Variants in PJVK observed in about 807,000 individuals in gnomAD.
The protein encoded by PJVK is pejvakin, also known as autosomal recessive deafness type 59 protein.
PJVK carries 33 observed loss-of-function variants against 37.6 expected under a neutral mutation model. That is an observed-to-expected ratio of 0.88 (90% confidence interval 0.67 to 1.17). PJVK has a LOEUF of 1.17. Among genes scored for constraint, PJVK ranks in the 50% most tolerant of loss-of-function variants. The pLI is 0.00. For missense variants in PJVK, 410 were observed against 413.8 expected (o/e 0.99, Z 0.08); for synonymous variants, 141 against 143.5 (o/e 0.98, Z 0.13).
At chr2:178,453,816 A>G in intron 2 of PJVK, 196 bp downstream of exon 2, 1 of 527,936 alleles carries the variant, frequency 1.9e-6, no homozygotes, top group Admixed American at 3.5e-5. Flanking sequence ...CTTATTGGTC[A>G]AATAATTTTC....
chr2:178,461,760 T>C lies in PJVK; in HGVS notation c.*486T>C, dbSNP rs1684521486. 6.6e-6 allele frequency among the ~76,000 whole-genome samples: 1 copy of C among 152,028 alleles called. No homozygotes were observed. Among genetic ancestry groups the C allele is most frequent in the Admixed American group, 6.5e-5 (1 of 15,268 alleles). The stretch of plus-strand genomic sequence containing the variant: ...CACCACGCCTGGCTAATTTTTTGTA[T>C]TTTTAGTAGAGACAGAGTTTTACCA... On this transcript the variant is annotated 3_prime_UTR_variant, in exon 7 of 7. Coordinates refer to ENST00000644580, the MANE Select transcript of PJVK (RefSeq NM_001042702.5).
At position 178,461,217 on chromosome 2, in the gene PJVK, G is replaced by A; in HGVS notation, c.1002G>A (p.Lys334=). Residue 334 remains lysine (K), a synonymous_variant, in exon 7 of 7, where the codon AAG becomes AAA. Coordinates refer to ENST00000644580, the MANE Select transcript of PJVK (RefSeq NM_001042702.5). The part of the protein sequence containing the change: ...GCFQCSVDGQ[K]YVRLHAVPCF... ...TTCAGTGTTCTGTTGATGGTCAGAA[G>A]TATGTGAGACTTCATGCAGTTCCTT... is the stretch of plus-strand genomic sequence containing the variant. 2 of 1,614,208 alleles carry A rather than the reference G, an allele frequency of 1.2e-6. No individual in the cohort carries two copies. Among genetic ancestry groups the A allele is most frequent in the Non-Finnish European group, 1.7e-6 (2 of 1,180,034 alleles).
chr2:178,454,546 A>G lies in PJVK; in HGVS notation c.407+19A>G. 6.2e-7 allele frequency: 1 copy of G among 1,605,992 alleles called. No individual in the cohort carries two copies. Among genetic ancestry groups the G allele is most frequent in the Non-Finnish European group, 8.5e-7 (1 of 1,174,418 alleles). ...CTACACGGTCAGTATAATAATCCTAATATATTTCAGTGTTTTCATTAAATA... is the reference window on the plus strand; with the variant it reads ...CTACACGGTCAGTATAATAATCCTAGTATATTTCAGTGTTTTCATTAAATA... On this transcript the variant is annotated intron_variant, in intron 3 of 6. Coordinates refer to ENST00000644580, the MANE Select transcript of PJVK (RefSeq NM_001042702.5).
In PJVK at chr2:178,460,268, G is replaced by T. The variant is rs111741352; in HGVS notation, c.668-80G>T. ...TTAAAAACAATACAATGAATGATTT[G>T]TACTAGAATTCATCACCCCATCAAA... On this transcript the variant is annotated intron_variant, in intron 5 of 6. Coordinates refer to ENST00000644580, the MANE Select transcript of PJVK (RefSeq NM_001042702.5). 4,125 of 1,144,840 alleles carry T rather than the reference G, an allele frequency of 3.6e-3. 115 individuals carry two copies. The African/African-American group carries it at 0.057, about 16-fold the overall frequency. The allele number at this position is 1,144,840 out of a possible 1,614,324, so 70.9% of individuals were successfully genotyped here.
chr2:178,460,900 C>A, intron 6 of PJVK, 82 bp from the exon 7 acceptor site: 13 of 970,224 alleles, frequency 1.3e-5, no homozygotes, highest in Non-Finnish European at 1.9e-5. Flanking sequence ...CTAGTGGATT[C>A]ACATATTTAT....
rs2154126342 is a variant in PJVK, at chr2:178,461,043, C to T, written c.828C>T (p.Asp276=). 2.5e-6 allele frequency: 4 copies of T among 1,613,984 alleles called. No individual in the cohort carries two copies. The East Asian group carries it at 6.7e-5, about 27-fold the overall frequency. ...SQLYLDDLFS[D]YYDKPLSMTD... ...TTTACTTGGATGATCTTTTTTCTGA[C>T]TACTATGACAAACCTCTCAGCATGA... The change falls in exon 7 of 7, where the codon GAC becomes GAT. Residue 276 remains aspartate, a synonymous_variant. Coordinates refer to ENST00000644580, the MANE Select transcript of PJVK (RefSeq NM_001042702.5).
At chr2:178,458,911 T>A (rs1205851567) in intron 5 of PJVK, among the ~76,000 whole-genome samples, 1 of 152,176 alleles carries the variant, frequency 6.6e-6, no homozygotes, top group Non-Finnish European at 1.5e-5. Flanking sequence ...GACAAAGTAT[T>A]CCTTAGCTTA....
At chr2:178,460,278 T>G in intron 5 of PJVK, 70 bp from the exon 6 acceptor site, 2 of 1,248,352 alleles carry the variant, frequency 1.6e-6, no homozygotes, top group Non-Finnish European at 2.3e-6. Flanking sequence ...GTACTAGAAT[T>G]CATCACCCCA....
At chr2:178,454,662 T>G (rs576958025) in intron 3 of PJVK, 135 bp downstream of exon 3, 30 of 1,426,046 alleles carry the variant, frequency 2.1e-5, no homozygotes, top group Non-Finnish European at 2.9e-5. Context: ...TTGAAATACA[T>G]TGGTAGTATA....
At chr2:178,459,066 T>C in intron 5 of PJVK, 1 of 445,752 alleles carries the variant, frequency 2.2e-6, no homozygotes, top group Admixed American at 2.5e-5. Flanking sequence ...GTTTTACTTA[T>C]CATAGACCCA....
intron 4 of PJVK, among the ~76,000 whole-genome samples, chr2:178,456,405 A>G (rs1684089273): frequency 6.6e-6 from 1 of 152,180 alleles, no homozygotes. Flanking sequence ...GGAGTCCCTC[A>G]AGTTACTATT....
At chr2:178,455,774 C>T (rs578229608) in intron 3 of PJVK, among the ~76,000 whole-genome samples, 7 of 152,180 alleles carry the variant, frequency 4.6e-5, no homozygotes, top group African/African-American at 1.4e-4. Context: ...AAATAGAGTC[C>T]CCTTCAACAG....
At chr2:178,460,579 A>C (rs1575124675) in intron 6 of PJVK, 133 bp downstream of exon 6, 8 of 844,430 alleles carry the variant, frequency 9.5e-6, no homozygotes, top group African/African-American at 1.7e-5. Context: ...ATGGTGGCTC[A>C]TGCCTATAAT....
At chr2:178,455,717 A>G (rs1442720508) in intron 3 of PJVK, among the ~76,000 whole-genome samples, 1 of 152,204 alleles carries the variant, frequency 6.6e-6, no homozygotes, top group Non-Finnish European at 1.5e-5. Flanking sequence ...CTCTACACAC[A>G]TTTGCTTAAT....
intron 1 of PJVK, chr2:178,452,684 C>CTCTCTCTTTGAAATGGAGT: frequency 1.0e-6 from 1 of 960,932 alleles, no homozygotes; most frequent in Non-Finnish European, 1.2e-6. Context: ...CAGCAGGACT[C>CTCTCTCTTTGAAATGGAGT]CATTTCAAAG....
intron 4 of PJVK, among the ~76,000 whole-genome samples, chr2:178,456,715 C>A (rs1035320255): frequency 2.6e-5 from 4 of 151,854 alleles, no homozygotes; most frequent in African/African-American, 9.7e-5. Flanking sequence ...TGCAGTGAGC[C>A]GAGATTGTGC....
intron 2 of PJVK, 120 bp from the exon 3 acceptor site, chr2:178,454,212 C>T (rs1206646495): frequency 2.3e-5 from 18 of 775,440 alleles, no homozygotes; most frequent in Admixed American, 1.5e-4. Flanking sequence ...CTTGGTGAGT[C>T]ATGTTGCCTT....
At chr2:178,455,652 A>G (rs1410764546) in intron 3 of PJVK, among the ~76,000 whole-genome samples, 1 of 152,160 alleles carries the variant, frequency 6.6e-6, no homozygotes, top group Non-Finnish European at 1.5e-5. Context: ...CTAAAAAAAA[A>G]AAAAAACCAC....
chr2:178,454,841 T>C, intron 3 of PJVK: 2 of 1,167,518 alleles, frequency 1.7e-6, no homozygotes. Flanking sequence ...ATGGCAGCCT[T>C]GACTCCCCAG....
Sources: gnomAD v4.1 joint callset for allele counts (sites outside exome capture counted in the v4.1 genomes callset) on GRCh38, gnomAD v4.1.1 for gene constraint, MANE v1.5 for transcripts, NCBI Gene and HGNC (gene_info 2026-07-23, HGNC 2026-07-21) for gene names.